The following SLC35F3 variants were observed in gnomAD, a reference collection of about 807,000 sequenced individuals.
The protein encoded by SLC35F3 is putative thiamine transporter SLC35F3.
Under a neutral mutation model 49.9 loss-of-function variants are expected in SLC35F3, and 25 were observed. The ratio of observed to expected loss-of-function variants is 0.50; its 90% confidence interval spans 0.37 to 0.70. The LOEUF (loss-of-function observed/expected upper bound fraction) is 0.70. Among genes scored for constraint, SLC35F3 ranks in the 30% least tolerant of loss-of-function variants. The pLI, the probability that SLC35F3 is intolerant of heterozygous loss-of-function variation, is 0.00. For synonymous variants in SLC35F3, 275 were observed against 265.4 expected, an observed-to-expected ratio of 1.04 and a Z score of -0.35; for missense variants, 525 against 639.8, an observed-to-expected ratio of 0.82 and a Z score of 1.94.
intron 3 of SLC35F3, chr1:234,261,615 G>T (rs971246158): frequency 1.3e-5 from 2 of 152,226 alleles, no homozygotes; most frequent in Non-Finnish European, 2.9e-5. Context: ...TTATCAGCAG[G>T]GTCTTTGTGA....
At chr1:234,152,231 T>C (rs939369972) in intron 2 of SLC35F3, among the ~76,000 whole-genome samples, 2 of 148,424 alleles carry the variant, frequency 1.3e-5, no homozygotes, top group Non-Finnish European at 3.0e-5. Flanking sequence ...ATTATTGTTA[T>C]TATTATTATT....
chr1:234,041,198 T>A (rs938149190), intron 2 of SLC35F3, among the ~76,000 whole-genome samples: 65 of 152,296 alleles, frequency 4.3e-4, no homozygotes, highest in Non-Finnish European at 5.0e-4. Flanking sequence ...ATAAATACCC[T>A]CAAATTCTCA....
intron 2 of SLC35F3, among the ~76,000 whole-genome samples, chr1:234,081,740 CT>C (rs1372102197): frequency 2.6e-4 from 37 of 145,028 alleles, no homozygotes; most frequent in Non-Finnish European, 2.4e-4. Flanking sequence ...TGGCACCTTT[CT>C]TTTTTTTTTT....
intron 3 of SLC35F3, among the ~76,000 whole-genome samples, chr1:234,251,595 TC>T (rs1667739683): frequency 6.6e-6 from 1 of 152,134 alleles, no homozygotes; most frequent in South Asian, 2.1e-4. Context: ...TGTCCATCCT[TC>T]CTATGTTAAT....
intron 2 of SLC35F3, among the ~76,000 whole-genome samples, chr1:233,911,205 A>G (rs1661868568): frequency 6.6e-6 from 1 of 152,134 alleles, no homozygotes. Flanking sequence ...TGGCGTAGAT[A>G]CCGGTGCTAA....
At chr1:233,948,144 T>G (rs1163348138) in intron 2 of SLC35F3, among the ~76,000 whole-genome samples, 1 of 148,782 alleles carries the variant, frequency 6.7e-6, no homozygotes, top group Non-Finnish European at 1.5e-5. Flanking sequence ...TTATCAAGCA[T>G]CCCACAGGGC....
At chr1:234,017,445 G>A (rs867463957) in intron 2 of SLC35F3, among the ~76,000 whole-genome samples, 3 of 152,078 alleles carry the variant, frequency 2.0e-5, no homozygotes, top group Middle Eastern at 6.8e-3. Context: ...CGGGCGCAGT[G>A]GCTCATGCAT....
At chr1:233,988,736 T>TC (rs1429523497) in intron 2 of SLC35F3, among the ~76,000 whole-genome samples, 2 of 152,382 alleles carry the variant, frequency 1.3e-5, no homozygotes, top group African/African-American at 4.8e-5. Flanking sequence ...TTCTCTGTTC[T>TC]TGTGCAGTTT....
chr1:234,005,755 C>A (rs1032539947), intron 2 of SLC35F3, among the ~76,000 whole-genome samples: 2 of 152,156 alleles, frequency 1.3e-5, no homozygotes, highest in African/African-American at 4.8e-5. Flanking sequence ...ACGGCTCTTG[C>A]CATCTCTAAA....
chr1:233,931,442 A>G (rs1487709156), intron 2 of SLC35F3, among the ~76,000 whole-genome samples: 1 of 152,228 alleles, frequency 6.6e-6, no homozygotes, highest in Non-Finnish European at 1.5e-5. Context: ...AATTTACAAG[A>G]AACAACAACA....
At chr1:233,976,162 C>T (rs989264502) in intron 2 of SLC35F3, among the ~76,000 whole-genome samples, 1 of 152,114 alleles carries the variant, frequency 6.6e-6, no homozygotes, top group Non-Finnish European at 1.5e-5. Context: ...TTTTATGGCA[C>T]AATGTTTTTT....
intron 2 of SLC35F3, among the ~76,000 whole-genome samples, chr1:234,020,714 A>T (rs1663878828): frequency 6.6e-6 from 1 of 152,118 alleles, no homozygotes; most frequent in South Asian, 2.1e-4. Flanking sequence ...TGTGTGAATT[A>T]CTATTTTTTT....
In SLC35F3 at chr1:234,309,112, G is replaced by A. The variant is rs762191256; in HGVS notation, c.620G>A (p.Arg207Gln). 2.0e-5 allele frequency: 32 copies of A among 1,613,760 alleles called. No homozygotes were observed. Among genetic ancestry groups the A allele is most frequent in the Non-Finnish European group, 2.6e-5 (31 of 1,179,946 alleles). Residue 207 changes from arginine (R) to glutamine (Q), a missense_variant, in exon 4 of 8, where the codon CGA becomes CAA. Arg to Gln is a conservative substitution (Grantham distance 43). Coordinates refer to ENST00000366618, the MANE Select transcript of SLC35F3 (RefSeq NM_173508.4). ...SVKQRYRECC[R>Q]FFGDNGLTLK... ...TTTCCTTGTTTTAGGGAATGCTGTC[G>A]ATTTTTTGGAGACAATGGCTTGACT...
chr1:234,083,923 C>T (rs1406240676), intron 2 of SLC35F3, among the ~76,000 whole-genome samples: 2 of 151,394 alleles, frequency 1.3e-5, no homozygotes, highest in Non-Finnish European at 2.9e-5. Context: ...CCACAACCTC[C>T]GCCTCCTGGG....
chr1:234,219,202 C>G (rs2102944219), intron 2 of SLC35F3, among the ~76,000 whole-genome samples: 1 of 152,194 alleles, frequency 6.6e-6, no homozygotes, highest in South Asian at 2.1e-4. Context: ...ATCTCAGCTG[C>G]CCCCAGAGTA....
chr1:234,042,419 C>A (rs1005149231), intron 2 of SLC35F3, among the ~76,000 whole-genome samples: 1 of 152,052 alleles, frequency 6.6e-6, no homozygotes, highest in Non-Finnish European at 1.5e-5. Flanking sequence ...TGATCATGGT[C>A]TTTAGGATAT....
Position 234,251,104 on chromosome 1 carries a change from A to G in SLC35F3, c.608+19363A>G, listed in dbSNP as rs148150438. 2.0e-5 allele frequency among the ~76,000 whole-genome samples: 3 copies of G among 152,310 alleles called. No homozygotes were observed. In the East Asian group the frequency reaches 5.8e-4, roughly 29 times the overall value. Reference sequence around the variant, plus strand: ...AAGTCTGAAAGGAACAACTAAGAGTAGTGGAGTATTTCGACATCTTGACCA... The same window carrying G: ...AAGTCTGAAAGGAACAACTAAGAGTGGTGGAGTATTTCGACATCTTGACCA... On this transcript the variant is annotated intron_variant, in intron 3 of 7. Coordinates refer to ENST00000366618, the MANE Select transcript of SLC35F3 (RefSeq NM_173508.4).
intron 2 of SLC35F3, among the ~76,000 whole-genome samples, chr1:234,182,692 C>A (rs1666580905): frequency 6.6e-6 from 1 of 152,202 alleles, no homozygotes; most frequent in East Asian, 1.9e-4. Flanking sequence ...CCAGCAATGA[C>A]CGACAGTGCC....
At chr1:234,004,236 A>G (rs1483922613) in intron 2 of SLC35F3, among the ~76,000 whole-genome samples, 2 of 152,212 alleles carry the variant, frequency 1.3e-5, no homozygotes, top group African/African-American at 4.8e-5. Flanking sequence ...AAATATACTA[A>G]ATGATTACAA....
Sources: gnomAD v4.1 joint callset for allele counts (sites outside exome capture counted in the v4.1 genomes callset) on GRCh38, gnomAD v4.1.1 for gene constraint, MANE v1.5 for transcripts, NCBI Gene and HGNC (gene_info 2026-07-23, HGNC 2026-07-21) for gene names.